The following CRYBA4 variants were observed in gnomAD, a reference collection of about 807,000 sequenced individuals.
The protein encoded by CRYBA4 is beta-crystallin A4.
CRYBA4 carries 30 observed loss-of-function variants against 31.7 expected under a neutral mutation model. The ratio of observed to expected loss-of-function variants is 0.95; its 90% CI spans 0.71 to 1.28. The LOEUF (loss-of-function observed/expected upper bound fraction) is 1.28, where lower values mean the gene tolerates loss of function less well. CRYBA4 is among the 50% of genes most tolerant of loss of function. CRYBA4 has a pLI of 0.00. For missense variants in CRYBA4, 225 were observed against 260.7 expected, an observed-to-expected ratio of 0.86 and a Z score of 0.94; for synonymous variants, 102 against 102.3, an observed-to-expected ratio of 1.00 and a Z score of 0.02.
chr22:26,618,687 G>C (rs1052364542), upstream of CRYBA4, among the ~76,000 whole-genome samples: 1 of 152,234 alleles, frequency 6.6e-6, no homozygotes, highest in East Asian at 1.9e-4. Flanking sequence ...GCCCAGGCCA[G>C]CCAGCTCTGG....
At chr22:26,626,787 C>T (rs143981297) in intron 4 of CRYBA4, among the ~76,000 whole-genome samples, 47 of 152,264 alleles carry the variant, frequency 3.1e-4, no homozygotes, top group African/African-American at 1.1e-3. Flanking sequence ...TCAACCTATA[C>T]ATTTGTGTCT....
At chr22:26,621,712 G>T (rs1278998057), upstream of CRYBA4, among the ~76,000 whole-genome samples, 1 of 152,208 alleles carries the variant, frequency 6.6e-6, no homozygotes, top group African/African-American at 2.4e-5. Flanking sequence ...TCCTGCTCTA[G>T]TCAGGAACCT....
chr22:26,616,269 T>G, the CRYBA4 span: 1 of 1,613,838 alleles, frequency 6.2e-7, no homozygotes. Context: ...TGTCAGGCCC[T>G]GGGTTCACCG....
chr22:26,630,642 A>G lies in CRYBA4; in HGVS notation c.*155A>G, dbSNP rs148336091. On this transcript the variant is annotated 3_prime_UTR_variant, in exon 6 of 6. Coordinates refer to ENST00000354760, the MANE Select transcript of CRYBA4 (RefSeq NM_001886.3). ...CGTGCACAGTCAGCACAAAAAACTC[A>G]AACGAATAAAAAAGAGAAAGTCTGG... 2 of 625,356 alleles carry G rather than the reference A, an allele frequency of 3.2e-6. No homozygotes were observed. Among genetic ancestry groups the G allele is most frequent in the East Asian group, 5.5e-5 (2 of 36,120 alleles). The allele number at this position is 625,356 out of a possible 1,614,324, so 38.7% of individuals were successfully genotyped here.
the CRYBA4 span, among the ~76,000 whole-genome samples, chr22:26,592,340 A>G: frequency 6.6e-6 from 1 of 152,204 alleles, no homozygotes; most frequent in Admixed American, 6.5e-5. Flanking sequence ...AGGGGGACAA[A>G]GGTCCAAGTT....
the CRYBA4 span, among the ~76,000 whole-genome samples, chr22:26,611,619 C>T: frequency 8.6e-5 from 13 of 151,872 alleles, no homozygotes; most frequent in African/African-American, 2.9e-4. Context: ...GGACTACAGG[C>T]GCCCGCCACC....
At chr22:26,622,109 T>TA (rs988193303) in intron 1 of CRYBA4, 123 bp downstream of exon 1, 1 of 337,612 alleles carries the variant, frequency 3.0e-6, no homozygotes, top group African/African-American at 2.2e-5. Flanking sequence ...ATCCTCATCC[T>TA]AACCAAGGAT....
upstream of CRYBA4, among the ~76,000 whole-genome samples, chr22:26,617,052 C>T (rs927638133): frequency 1.3e-5 from 2 of 152,210 alleles, no homozygotes; most frequent in African/African-American, 4.8e-5. Context: ...GCTCCTTTCC[C>T]CGTCTGCTTC....
At chr22:26,613,969 C>T in the CRYBA4 span, among the ~76,000 whole-genome samples, 6 of 152,082 alleles carry the variant, frequency 3.9e-5, no homozygotes, top group Admixed American at 2.0e-4. Flanking sequence ...CTCTTATGGT[C>T]GACGCTGCAG....
chr22:26,604,743 G>A, the CRYBA4 span, among the ~76,000 whole-genome samples: 58 of 152,338 alleles, frequency 3.8e-4, no homozygotes, highest in African/African-American at 1.3e-3. Flanking sequence ...GTAAGCACAG[G>A]GGACCCTTTG....
At chr22:26,602,604 G>T in the CRYBA4 span, among the ~76,000 whole-genome samples, 6 of 150,158 alleles carry the variant, frequency 4.0e-5, no homozygotes, top group African/African-American at 1.5e-4. Context: ...AAAAAAAAAA[G>T]TATTTATTAT....
chr22:26,609,921 A>G, the CRYBA4 span, among the ~76,000 whole-genome samples: 3 of 152,188 alleles, frequency 2.0e-5, no homozygotes, highest in Admixed American at 2.0e-4. Context: ...AGGGCCTAAA[A>G]GAGGGAATGC....
the CRYBA4 span, among the ~76,000 whole-genome samples, chr22:26,591,071 C>T: frequency 2.0e-5 from 3 of 152,244 alleles, no homozygotes; most frequent in African/African-American, 7.2e-5. Context: ...TATATATTAT[C>T]TGTTTAAAAT....
chr22:26,599,622 C>T, the CRYBA4 span: 76 of 1,614,170 alleles, frequency 4.7e-5, no homozygotes, highest in African/African-American at 9.2e-4. Flanking sequence ...AGTCACCAGG[C>T]TCTAGGAGGT....
chr22:26,616,281 C>T, the CRYBA4 span: 3 of 1,613,968 alleles, frequency 1.9e-6, no homozygotes, highest in East Asian at 2.2e-5. Flanking sequence ...GGTTCACCGC[C>T]ACTGTGGCCG....
At chr22:26,590,941 T>C in the CRYBA4 span, among the ~76,000 whole-genome samples, 1 of 152,230 alleles carries the variant, frequency 6.6e-6, no homozygotes, top group Non-Finnish European at 1.5e-5. Context: ...AATAGAGCTA[T>C]CTATGCATCG....
chr22:26,602,705 A>G, the CRYBA4 span, among the ~76,000 whole-genome samples: 1 of 152,218 alleles, frequency 6.6e-6, no homozygotes, highest in Non-Finnish European at 1.5e-5. Flanking sequence ...AACCTTTCAG[A>G]GAAACACTTC....
chr22:26,628,239 G>A (rs1929809715), intron 4 of CRYBA4, 49 bp from the exon 5 acceptor site: 2 of 1,613,256 alleles, frequency 1.2e-6, no homozygotes, highest in African/African-American at 2.7e-5. Context: ...AGGCTCCTGG[G>A]TTTCCAACTG....
the CRYBA4 span, among the ~76,000 whole-genome samples, chr22:26,591,526 A>G: frequency 6.6e-6 from 1 of 150,948 alleles, no homozygotes; most frequent in Non-Finnish European, 1.5e-5. Context: ...GTGGATCACC[A>G]GGTCAGGAAT....
Sources: gnomAD v4.1 joint callset for allele counts (sites outside exome capture counted in the v4.1 genomes callset) on GRCh38, gnomAD v4.1.1 for gene constraint, MANE v1.5 for transcripts, NCBI Gene and HGNC (gene_info 2026-07-23, HGNC 2026-07-21) for gene names.